Variants in TAPT1 observed in about 807,000 individuals in gnomAD.
TAPT1 encodes the protein transmembrane anterior posterior transformation protein 1 homolog.
Under a neutral mutation model 65.6 loss-of-function variants are expected in TAPT1, and 28 were observed. That is an observed-to-expected ratio of 0.43 (90% CI 0.32 to 0.59). The LOEUF is 0.59. Ranked by LOEUF, TAPT1 falls within the 20% of genes least tolerant of loss-of-function variation. The pLI is 0.09. For missense variants in TAPT1, 563 were observed against 679.9 expected (o/e 0.83, Z 1.91); for synonymous variants, 278 against 245.2 (o/e 1.13, Z -1.25).
intron 1 of TAPT1, chr4:16,226,020 A>G: frequency 1.0e-6 from 1 of 1,003,686 alleles, no homozygotes; most frequent in Non-Finnish European, 1.2e-6. Context: ...CTTCTAGGGC[A>G]CACCTGGCCT....
At chr4:16,198,871 T>C (rs916991486) in intron 3 of TAPT1, among the ~76,000 whole-genome samples, 2 of 152,210 alleles carry the variant, frequency 1.3e-5, no homozygotes, top group Non-Finnish European at 2.9e-5. Context: ...AACAATAGCT[T>C]TGTTTATGTA....
In TAPT1 at chr4:16,165,519, G is replaced by A. The variant is rs1444271447; in HGVS notation, c.1474+1114C>T. 4.0e-5 allele frequency among the ~76,000 whole-genome samples: 6 copies of A among 148,896 alleles called. No individual in the cohort carries two copies. In the East Asian group the frequency reaches 9.9e-4, roughly 24 times the overall value. On this transcript the variant is annotated intron_variant, in intron 13 of 13. Transcript: ENST00000405303. ...TGGGAGGCGAAGCTTGCAGTGAGCC[G>A]AGATCACGCCACTGCACTCCAGCCT... is the stretch of plus-strand genomic sequence containing the variant.
At position 16,224,025 on chromosome 4, in the gene TAPT1, C is replaced by T. The variant is rs539590019; in HGVS notation, c.199+2234G>A. ...AAAGAAAAGCCAAAGGTTGCCTTAA[C>T]TTGCAGGGGGATCTAGATCTCAAGG... On this transcript the variant is annotated intron_variant, in intron 1 of 13. Transcript: ENST00000405303. Among the ~76,000 whole-genome samples the T allele has an allele frequency of 3.3e-5, 5 of 152,160 alleles. No individual in the cohort carries two copies. In the South Asian group the frequency reaches 1.0e-3, roughly 32 times the overall value.
intron 7 of TAPT1, 138 bp from the exon 8 acceptor site, chr4:16,179,795 T>A (rs866960814): frequency 1.2e-5 from 5 of 426,230 alleles, no homozygotes; most frequent in Middle Eastern, 1.3e-3. Context: ...ACTTTATATA[T>A]ATATATATGT....
Position 16,179,598 on chromosome 4 carries a change from C to T in TAPT1, c.976G>A (p.Glu326Lys). The T allele has an allele frequency of 3.3e-6, 5 of 1,535,242 alleles. No homozygotes were observed. Among genetic ancestry groups the T allele is most frequent in the Non-Finnish European group, 4.4e-6 (5 of 1,141,714 alleles). Residue 326 changes from glutamate (E) to lysine (K), a missense_variant, in exon 8 of 14, where the codon GAA (glutamate) becomes AAA (lysine). By Grantham distance (56) the Glu-to-Lys change is moderately conservative. This residue lies in a region of TAPT1 where 217 missense variants were observed against 317.5 expected (regional missense o/e 0.68). Coordinates refer to ENST00000405303, the MANE Select transcript of TAPT1 (RefSeq NM_153365.3). ...LLLIVCLRNM[E>K]QFSWNPDHLW... ...TTACCTGGATTCCAAGAAAACTGTT[C>T]CATGTTTCTTAGACACACTATCAGT...
At chr4:16,202,307 T>G (rs1750080382) in intron 3 of TAPT1, among the ~76,000 whole-genome samples, 155 bp downstream of exon 3, 1 of 152,088 alleles carries the variant, frequency 6.6e-6, no homozygotes, top group Admixed American at 6.5e-5. Context: ...TATATAAACA[T>G]ATTATATAAT....
chr4:16,188,261 A>G lies in TAPT1; in HGVS notation c.707T>C (p.Ile236Thr), dbSNP rs200624831. 1.2e-6 allele frequency: 2 copies of G among 1,612,364 alleles called. No individual in the cohort carries two copies. Reference sequence around the variant, plus strand: ...CATGAAAAAGTGAGGAATCACCCCAATGTGGGCTCTTTTTCTTTCTTTAGG... The same window carrying G: ...CATGAAAAAGTGAGGAATCACCCCAGTGTGGGCTCTTTTTCTTTCTTTAGG... ...TEPKERKRAH[I>T]GVIPHFFMAV... The change falls in exon 5 of 14, where the codon ATT becomes ACT. Residue 236 changes from isoleucine (I) to threonine (T), a missense_variant. Around this residue, in one of 5 missense-constraint regions of TAPT1, gnomAD observed 217 missense variants for 317.5 expected, o/e 0.68. Coordinates refer to ENST00000405303, the MANE Select transcript of TAPT1 (RefSeq NM_153365.3).
At chr4:16,222,193 A>T (rs1418171144) in intron 1 of TAPT1, among the ~76,000 whole-genome samples, 1 of 152,238 alleles carries the variant, frequency 6.6e-6, no homozygotes. Flanking sequence ...AGCACAAATG[A>T]GCTGCTAGGA....
intron 3 of TAPT1, among the ~76,000 whole-genome samples, chr4:16,200,144 T>C (rs1232027356): frequency 6.6e-6 from 1 of 152,222 alleles, no homozygotes; most frequent in Non-Finnish European, 1.5e-5. Flanking sequence ...CATTAGCTTA[T>C]CTATCATTTT....
At chr4:16,189,764 T>C (rs906408752) in intron 4 of TAPT1, among the ~76,000 whole-genome samples, 9 of 152,200 alleles carry the variant, frequency 5.9e-5, no homozygotes, top group Admixed American at 2.6e-4. Context: ...TAGTCAGCAA[T>C]TCATGGATCC....
At chr4:16,210,112 T>C (rs749620425) in intron 2 of TAPT1, among the ~76,000 whole-genome samples, 26 of 152,104 alleles carry the variant, frequency 1.7e-4, no homozygotes, top group Admixed American at 9.2e-4. Context: ...CTCATGGCCA[T>C]TGGTTATGTT....
intron 1 of TAPT1, among the ~76,000 whole-genome samples, chr4:16,214,832 G>T (rs1457147300): frequency 6.6e-6 from 1 of 152,138 alleles, no homozygotes; most frequent in Non-Finnish European, 1.5e-5. Context: ...TCTTTGCTCT[G>T]AGCTGGCCTT....
Position 16,176,172 on chromosome 4 carries a change from C to T in TAPT1, c.1054G>A (p.Val352Met), listed in dbSNP as rs1455132724. 2.2e-5 allele frequency: 35 copies of T among 1,578,086 alleles called. No individual in the cohort carries two copies. The highest frequency in any genetic ancestry group is 5.5e-5 in the Admixed American group (3 of 54,882). ...VCMVIASEIA[V>M]DIVKHAFITK... Reference sequence around the variant, plus strand: ...ATAAAGGCATGTTTTACAATATCCACGGCAATTTCTGATGCAATTACCATA... The same window carrying T: ...ATAAAGGCATGTTTTACAATATCCATGGCAATTTCTGATGCAATTACCATA... Residue 352 changes from valine (V) to methionine (M), a missense_variant, in exon 9 of 14, where the codon GTG becomes ATG. Coordinates refer to ENST00000405303, the MANE Select transcript of TAPT1 (RefSeq NM_153365.3).
chr4:16,193,626 T>C (rs973917744), intron 3 of TAPT1, among the ~76,000 whole-genome samples: 4 of 152,158 alleles, frequency 2.6e-5, no homozygotes, highest in African/African-American at 4.8e-5. Flanking sequence ...AAGAATTGGA[T>C]CTTGATCACT....
upstream of TAPT1, chr4:16,227,192 G>T: frequency 2.2e-6 from 1 of 455,864 alleles, no homozygotes; most frequent in Non-Finnish European, 4.4e-6. Context: ...GGACGCGCAG[G>T]GGAGGGGCCG....
chr4:16,170,021 G>A (rs937350175), intron 12 of TAPT1, among the ~76,000 whole-genome samples: 34 of 152,190 alleles, frequency 2.2e-4, no homozygotes, highest in African/African-American at 8.2e-4. Context: ...TCATTTTTCA[G>A]TAAGTTAATT....
intron 12 of TAPT1, among the ~76,000 whole-genome samples, chr4:16,169,019 T>C (rs548002375): frequency 3.3e-5 from 5 of 152,304 alleles, no homozygotes; most frequent in Admixed American, 2.0e-4. Flanking sequence ...GAAGACACAT[T>C]CCTGGGTTTG....
chr4:16,207,670 G>T (rs1486731516), intron 2 of TAPT1, among the ~76,000 whole-genome samples: 2 of 152,198 alleles, frequency 1.3e-5, no homozygotes, highest in Non-Finnish European at 2.9e-5. Flanking sequence ...ACAGACTCAA[G>T]AAGCTAAGGT....
intron 11 of TAPT1, among the ~76,000 whole-genome samples, chr4:16,173,212 C>T (rs980651472): frequency 3.3e-5 from 5 of 152,124 alleles, no homozygotes; most frequent in African/African-American, 1.2e-4. Flanking sequence ...TTTCTTGCCT[C>T]AGCCTCCTGA....
Sources: allele counts gnomAD v4.1 joint callset (sites outside exome capture counted in the v4.1 genomes callset), GRCh38; gene constraint gnomAD v4.1.1; regional missense constraint gnomAD v4.1.1; transcripts MANE v1.5; gene names NCBI Gene and HGNC (gene_info 2026-07-23, HGNC 2026-07-21).